The following PODN variants were observed in gnomAD, a reference collection of about 807,000 sequenced individuals.
PODN encodes podocan proteoglycan.
In PODN, 40 loss-of-function variants were observed where a neutral mutation model predicts 52.7. The observed-to-expected ratio is 0.76, with a 90% CI of 0.59 to 0.99. PODN has a LOEUF of 0.99. Ranked by LOEUF, PODN falls within the 50% of genes least tolerant of loss-of-function variation. The pLI is 0.00. For missense variants in PODN, 720 were observed against 815.1 expected (o/e 0.88, Z 1.42); for synonymous variants, 396 against 377.9 (o/e 1.05, Z -0.56).
Position 53,062,318 on chromosome 1 carries a change from G to T in PODN, c.-56+10G>T, listed in dbSNP as rs751275341. On this transcript the variant is annotated intron_variant, in intron 1 of 10. Coordinates refer to ENST00000312553, the MANE Select transcript of PODN (RefSeq NM_153703.5). ...CGCCGGGGCGCAGCAGGTACAGGGC[G>T]CTGGCAGCCGGGGTGGGCCGAGGGG... The T allele has an allele frequency of 6.4e-6, 8 of 1,247,250 alleles. No homozygotes were observed. The East Asian group carries it at 9.4e-5, about 15-fold the overall frequency. 77.3% of individuals were successfully genotyped at this position (1,247,250 alleles called of 1,614,324 possible).
intron 8 of PODN, among the ~76,000 whole-genome samples, chr1:53,079,428 G>A (rs1187105823): frequency 6.6e-6 from 1 of 152,200 alleles, no homozygotes; most frequent in African/African-American, 2.4e-5. Flanking sequence ...GGCCAGTTCG[G>A]GTGGTATGTA....
chr1:53,067,073 T>C (rs553293579), intron 1 of PODN, among the ~76,000 whole-genome samples: 1 of 152,276 alleles, frequency 6.6e-6, no homozygotes, highest in African/African-American at 2.4e-5. Context: ...TGATGGTCTG[T>C]AGACTGATGT....
rs764061921 is a variant in PODN, at chr1:53,069,965, G to C, written c.110G>C (p.Ser37Thr). Residue 37 changes from serine to threonine, a missense_variant, in exon 2 of 11, where the codon AGC becomes ACC. By Grantham distance (58) the Ser-to-Thr change is moderately conservative. Coordinates refer to ENST00000312553, the MANE Select transcript of PODN (RefSeq NM_153703.5). ...GGATTTGGCCGAAGTGGCGGCCACA[G>C]CCTGAGCCCCGAAGAGAACGAATTT... ...APGFGRSGGHSLSPEENEFAE... is the reference protein window; with the variant it reads ...APGFGRSGGHTLSPEENEFAE... 3.1e-6 allele frequency: 5 copies of C among 1,604,770 alleles called. No homozygotes were observed. Among genetic ancestry groups the C allele is most frequent in the Non-Finnish European group, 3.4e-6 (4 of 1,176,260 alleles).
chr1:53,062,261 G>T lies in PODN; in HGVS notation c.-103G>T. 3 of 1,273,692 alleles carry T rather than the reference G, an allele frequency of 2.4e-6. No homozygotes were observed. Among genetic ancestry groups the T allele is most frequent in the Non-Finnish European group, 3.0e-6 (3 of 1,003,038 alleles). 78.9% of individuals were successfully genotyped at this position (1,273,692 alleles called of 1,614,324 possible). A position where few individuals can be genotyped will look rare whatever the true frequency, so the allele number is the denominator to read the frequency against. On this transcript the variant is annotated 5_prime_UTR_variant, in exon 1 of 11. Transcript: ENST00000312553. Reference sequence around the variant, plus strand: ...CCCGCGGAGCGCAGCTGAGACTGGGGGAGCGCGTTCGGCCTGTGGGGCGCC... The same window carrying T: ...CCCGCGGAGCGCAGCTGAGACTGGGTGAGCGCGTTCGGCCTGTGGGGCGCC...
intron 8 of PODN, among the ~76,000 whole-genome samples, chr1:53,079,399 T>C (rs11803838): frequency 0.16 from 23,821 of 152,122 alleles, 1,975 homozygotes; most frequent in Middle Eastern, 0.2. Flanking sequence ...GTAGGGGCCC[T>C]AGGCTCAGGA....
chr1:53,063,546 C>G (rs1572252873), intron 1 of PODN: 1 of 985,566 alleles, frequency 1.0e-6, no homozygotes, highest in African/African-American at 1.7e-5. Context: ...TCTGCAGGCG[C>G]ACAGCATTCC....
At position 53,077,326 on chromosome 1, in the gene PODN, C is replaced by T. The variant is rs138853761; in HGVS notation, c.718C>T (p.Leu240=). Residue 240 remains leucine, a synonymous_variant, in exon 6 of 11, where the codon CTG becomes TTG. Coordinates refer to ENST00000312553, the MANE Select transcript of PODN (RefSeq NM_153703.5). ...CGTGCCCAAGCACCTGCCGCCTGCC[C>T]TGTACAAGCTGCACCTCAAGGTGGG... The part of the protein sequence containing the change: ...RHVPKHLPPA[L]YKLHLKNNKL... 29 of 1,613,086 alleles carry T rather than the reference C, an allele frequency of 1.8e-5. No individual in the cohort carries two copies. Among genetic ancestry groups the T allele is most frequent in the African/African-American group, 2.7e-5 (2 of 74,958 alleles).
chr1:53,071,760 G>A (rs1644122120), intron 3 of PODN, 132 bp downstream of exon 3: 1 of 875,906 alleles, frequency 1.1e-6, no homozygotes, highest in Non-Finnish European at 1.8e-6. Flanking sequence ...GCAGGCCCGG[G>A]CCAGGCTAGC....
intron 7 of PODN, 103 bp from the exon 8 acceptor site, chr1:53,078,262 G>A (rs1196710687): frequency 8.4e-7 from 1 of 1,196,466 alleles, no homozygotes; most frequent in Non-Finnish European, 1.2e-6. Context: ...GCAGAGCTGG[G>A]AGGAGCTAGT....
At position 53,069,826 on chromosome 1, in the gene PODN, G is replaced by T. The variant is rs771390891; in HGVS notation, c.-30G>T. 6 of 1,581,946 alleles carry T rather than the reference G, an allele frequency of 3.8e-6. No homozygotes were observed. Among genetic ancestry groups the T allele is most frequent in the Admixed American group, 1.8e-5 (1 of 55,914 alleles). On this transcript the variant is annotated 5_prime_UTR_variant, in exon 2 of 11. Transcript: ENST00000312553. ...GTTCCGTCAGCCCTGGCGCCCAGGCGCATCTGACTCGGCACCCCCTGCAGG... is the reference window on the plus strand; with the variant it reads ...GTTCCGTCAGCCCTGGCGCCCAGGCTCATCTGACTCGGCACCCCCTGCAGG...
chr1:53,064,056 C>G (rs924892732), intron 1 of PODN, among the ~76,000 whole-genome samples: 1 of 152,226 alleles, frequency 6.6e-6, no homozygotes, highest in Admixed American at 6.5e-5. Flanking sequence ...ACTCAAGGCT[C>G]TGGGCAGGAG....
chr1:53,071,756 C>T lies in PODN; in HGVS notation c.406+128C>T, dbSNP rs533154454. On this transcript the variant is annotated intron_variant, in intron 3 of 10. Coordinates refer to ENST00000312553, the MANE Select transcript of PODN (RefSeq NM_153703.5). ...GGGGTGTGGATGGAAGAGAGCAGGC[C>T]CGGGCCAGGCTAGCAGTGGGGCTGC... The T allele has an allele frequency of 1.0e-4, 93 of 902,278 alleles. No homozygotes were observed. The African/African-American group carries it at 1.4e-3, about 14-fold the overall frequency. 55.9% of individuals were successfully genotyped at this position (902,278 alleles called of 1,614,324 possible). A position where few individuals can be genotyped will look rare whatever the true frequency, so the allele number is the denominator to read the frequency against.
rs372678548 is a variant in PODN, at chr1:53,069,930, G to A, written c.75G>A (p.Val25=). The A allele has an allele frequency of 1.3e-5, 20 of 1,583,672 alleles. No individual in the cohort carries two copies. The highest frequency in any genetic ancestry group is 1.8e-5 in the Admixed American group (1 of 55,186). Residue 25 remains valine, a synonymous_variant, in exon 2 of 11, where the codon GTG becomes GTA. Coordinates refer to ENST00000312553, the MANE Select transcript of PODN (RefSeq NM_153703.5). ...TGCACCTGGGACCTGTGCTTGCCGT[G>A]AGGGCCCCAGGATTTGGCCGAAGTG... ...PQLHLGPVLA[V]RAPGFGRSGG...
At chr1:53,062,748 C>T (rs1286408699) in intron 1 of PODN, among the ~76,000 whole-genome samples, 1 of 152,204 alleles carries the variant, frequency 6.6e-6, no homozygotes, top group East Asian at 1.9e-4. Flanking sequence ...CATCAGGCCC[C>T]CTAGCGACTC....
In PODN at chr1:53,078,456, T is replaced by C; in HGVS notation, c.946T>C (p.Leu316=). 1.2e-6 allele frequency: 2 copies of C among 1,613,422 alleles called. No individual in the cohort carries two copies. The highest frequency in any genetic ancestry group is 4.5e-5 in the East Asian group (2 of 44,878). Residue 316 remains leucine (L), a synonymous_variant, in exon 8 of 11, where the codon TTG becomes CTG. Transcript: ENST00000312553. ...GLPRSLVLLH[L]EKNAIRSVDA... ...GCCGCGCAGCCTGGTGCTGCTGCAC[T>C]TGGAGAAGAACGCCATCCGGAGCGT...
chr1:53,075,739 G>A, intron 4 of PODN, 123 bp from the exon 5 acceptor site: 1 of 747,424 alleles, frequency 1.3e-6, no homozygotes, highest in Non-Finnish European at 2.3e-6. Flanking sequence ...GTTTCAATTT[G>A]AGAAAGATGG....
rs771568059 is a variant in PODN at position 53,078,485 on chromosome 1, C to T, written c.975C>T (p.Asp325=). The change falls in exon 8 of 11, where the codon GAC becomes GAT. Residue 325 remains aspartate (D), a synonymous_variant. Transcript: ENST00000312553. The stretch of plus-strand genomic sequence containing the variant: ...AGAAGAACGCCATCCGGAGCGTGGA[C>T]GCGAATGTGCTGACCCCCATCCGCA... The part of the protein sequence containing the change: ...HLEKNAIRSV[D]ANVLTPIRSL... 19 of 1,613,252 alleles carry T rather than the reference C, an allele frequency of 1.2e-5. No individual in the cohort carries two copies. The highest frequency in any genetic ancestry group is 4.0e-5 in the African/African-American group (3 of 74,954).
chr1:53,082,119 G>A lies in PODN; in HGVS notation c.1800G>A (p.Glu600=), dbSNP rs1553160342. The A allele has an allele frequency of 1.2e-6, 2 of 1,613,472 alleles. No homozygotes were observed. The highest frequency in any genetic ancestry group is 1.7e-6 in the Non-Finnish European group (2 of 1,179,918). ...GTGGCCGCTTGGGGAAGGAAAAGGA[G>A]GAGGAGGAAGAGGAGGAGGAGGAGG... The part of the protein sequence containing the change: ...KDRGRLGKEK[E]EEEEEEEEEE... The change falls in exon 10 of 11, where the codon GAG becomes GAA. Residue 600 remains glutamate, a synonymous_variant. Coordinates refer to ENST00000312553, the MANE Select transcript of PODN (RefSeq NM_153703.5).
intron 1 of PODN, among the ~76,000 whole-genome samples, chr1:53,066,612 G>C (rs1644036845): frequency 6.6e-6 from 1 of 152,082 alleles, no homozygotes; most frequent in Non-Finnish European, 1.5e-5. Flanking sequence ...TGGGTCCCCT[G>C]CTTCCTGTCA....
Sources: allele counts gnomAD v4.1 joint callset (sites outside exome capture counted in the v4.1 genomes callset), GRCh38; gene constraint gnomAD v4.1.1; transcripts MANE v1.5; gene names NCBI Gene and HGNC (gene_info 2026-07-23, HGNC 2026-07-21).